The following ARHGAP26 variants were observed in gnomAD, a reference collection of about 807,000 sequenced individuals.
ARHGAP26 encodes the protein Rho GTPase activating protein 26.
A neutral mutation model predicts 104.8 loss-of-function variants in ARHGAP26; 38 were observed. That is an observed-to-expected ratio of 0.36 (90% CI 0.28 to 0.48). The LOEUF (loss-of-function observed/expected upper bound fraction) is 0.48. Among genes scored for constraint, ARHGAP26 ranks in the 20% least tolerant of loss-of-function variants. The probability of loss-of-function intolerance (pLI) is 0.99; values close to 1 mark genes in which losing one functional copy is unlikely to be tolerated. For missense variants in ARHGAP26, 704 were observed against 947.9 expected, an observed-to-expected ratio of 0.74 and a Z score of 3.38; for synonymous variants, 341 against 340.0, an observed-to-expected ratio of 1.00 and a Z score of -0.03.
chr5:143,197,702 C>A (rs1484426909), intron 20 of ARHGAP26, among the ~76,000 whole-genome samples: 2 of 152,184 alleles, frequency 1.3e-5, no homozygotes, highest in Non-Finnish European at 2.9e-5. Context: ...TAAATTCCAA[C>A]CCCTGTTTGG....
chr5:142,777,751 G>A (rs377344730), intron 1 of ARHGAP26, among the ~76,000 whole-genome samples: 1 of 152,148 alleles, frequency 6.6e-6, no homozygotes, highest in South Asian at 2.1e-4. Context: ...GGGAGATTGA[G>A]TGGGATGTTT....
chr5:142,881,830 A>T (rs1757040524), intron 4 of ARHGAP26, among the ~76,000 whole-genome samples: 2 of 152,058 alleles, frequency 1.3e-5, no homozygotes, highest in South Asian at 4.1e-4. Flanking sequence ...GAGGTTCTGA[A>T]CTCTGTCTGT....
At chr5:142,771,299 G>C (rs911480455) in intron 1 of ARHGAP26, 1 of 1,236,692 alleles carries the variant, frequency 8.1e-7, no homozygotes, top group Middle Eastern at 3.1e-4. Context: ...TAGGGGCAGA[G>C]TTGCTCAGCC....
intron 4 of ARHGAP26, among the ~76,000 whole-genome samples, chr5:142,880,042 T>C (rs1598053895): frequency 6.6e-6 from 1 of 152,318 alleles, no homozygotes; most frequent in East Asian, 1.9e-4. Context: ...ATATTACCCA[T>C]TGTGCAGGTC....
intron 17 of ARHGAP26, among the ~76,000 whole-genome samples, chr5:143,105,615 A>G (rs576012244): frequency 2.0e-5 from 3 of 152,300 alleles, no homozygotes; most frequent in Admixed American, 6.5e-5. Context: ...GTACAGGTAT[A>G]TAAGTACATG....
chr5:142,867,905 G>C (rs1003930893), intron 1 of ARHGAP26: 20 of 152,004 alleles, frequency 1.3e-4, no homozygotes, highest in Admixed American at 4.6e-4. Flanking sequence ...GTTCACCTCT[G>C]ATGAAGGCTA....
chr5:142,870,325 C>T (rs967599938), intron 1 of ARHGAP26, among the ~76,000 whole-genome samples: 1 of 152,172 alleles, frequency 6.6e-6, no homozygotes, highest in African/African-American at 2.4e-5. Context: ...TAAGATACCA[C>T]CAATCTTACT....
At chr5:142,774,954 G>C (rs72796649) in intron 1 of ARHGAP26, among the ~76,000 whole-genome samples, 1,630 of 152,126 alleles carry the variant, frequency 0.011, 12 homozygotes, top group Middle Eastern at 0.037. Context: ...CTGTTATCTA[G>C]ATGTGCCATA....
At chr5:142,844,301 T>C (rs1771459253) in intron 1 of ARHGAP26, among the ~76,000 whole-genome samples, 1 of 152,018 alleles carries the variant, frequency 6.6e-6, no homozygotes. Context: ...TCCGCCTGCC[T>C]CGGCCTCCCA....
At chr5:142,904,518 C>T in intron 8 of ARHGAP26, among the ~76,000 whole-genome samples, 1 of 106,122 alleles carries the variant, frequency 9.4e-6, no homozygotes, top group Admixed American at 8.9e-5. Flanking sequence ...GACCCTGTCT[C>T]TTAAAAGAAA....
In ARHGAP26 at chr5:143,221,161, G is replaced by A. The variant is rs189299171; in HGVS notation, c.2192-1197G>A. Reference sequence around the variant, plus strand: ...TCCTTCTCTCTTCCTTCCTGCTATTGACTACTGTGCAGACTCAGCTGGATT... The same window carrying A: ...TCCTTCTCTCTTCCTTCCTGCTATTAACTACTGTGCAGACTCAGCTGGATT... On this transcript the variant is annotated intron_variant, in intron 22 of 22. Coordinates refer to ENST00000645722, the MANE Select transcript of ARHGAP26 (RefSeq NM_001135608.3). 1.2e-4 allele frequency among the ~76,000 whole-genome samples: 18 copies of A among 152,200 alleles called. No individual in the cohort carries two copies. The South Asian group carries it at 2.9e-3, about 25-fold the overall frequency.
intron 6 of ARHGAP26, among the ~76,000 whole-genome samples, chr5:142,898,901 A>C (rs1387208604): frequency 6.6e-6 from 1 of 152,332 alleles, no homozygotes; most frequent in East Asian, 1.9e-4. Context: ...TGGGTGTCTT[A>C]GAACAACAGA....
chr5:142,996,072 A>C (rs1776335276), intron 11 of ARHGAP26, among the ~76,000 whole-genome samples: 1 of 152,172 alleles, frequency 6.6e-6, no homozygotes, highest in South Asian at 2.1e-4. Context: ...GGATAGCATT[A>C]GGAGAAATAC....
At chr5:142,794,267 C>A (rs962551178) in intron 1 of ARHGAP26, among the ~76,000 whole-genome samples, 1 of 152,138 alleles carries the variant, frequency 6.6e-6, no homozygotes, top group Admixed American at 6.5e-5. Context: ...TCCCTGAAGC[C>A]GACCTGACCC....
intron 17 of ARHGAP26, among the ~76,000 whole-genome samples, chr5:143,067,205 A>G (rs1258577695): frequency 1.3e-5 from 2 of 151,822 alleles, no homozygotes; most frequent in East Asian, 3.9e-4. Flanking sequence ...CATCTTTGTG[A>G]TCTTTGAGAT....
intron 11 of ARHGAP26, among the ~76,000 whole-genome samples, chr5:142,934,834 C>A (rs913778993): frequency 6.6e-6 from 1 of 150,446 alleles, no homozygotes; most frequent in Non-Finnish European, 1.5e-5. Context: ...TCCAATAATA[C>A]CTTAGGATGG....
chr5:143,199,144 T>G (rs146578365), intron 20 of ARHGAP26, among the ~76,000 whole-genome samples: 327 of 152,274 alleles, frequency 2.1e-3, no homozygotes, highest in African/African-American at 7.7e-3. Context: ...TTATATTAGA[T>G]GAGGGGAAAT....
chr5:143,021,197 T>C (rs188116484), intron 12 of ARHGAP26, among the ~76,000 whole-genome samples: 3 of 152,376 alleles, frequency 2.0e-5, no homozygotes, highest in African/African-American at 7.2e-5. Flanking sequence ...ATGTATTTTG[T>C]CAATGTCAGT....
chr5:142,790,571 C>T (rs1177370772), intron 1 of ARHGAP26, among the ~76,000 whole-genome samples: 1 of 152,152 alleles, frequency 6.6e-6, no homozygotes, highest in East Asian at 1.9e-4. Context: ...TGCCATTCGT[C>T]ATACAGTTCG....
Sources: gnomAD v4.1 joint callset for allele counts (sites outside exome capture counted in the v4.1 genomes callset) on GRCh38, gnomAD v4.1.1 for gene constraint, MANE v1.5 for transcripts, NCBI Gene and HGNC (gene_info 2026-07-23, HGNC 2026-07-21) for gene names.